GLS2: variants seen among roughly 807,000 people sequenced by gnomAD.
The protein encoded by GLS2 is glutaminase liver isoform, mitochondrial.
GLS2 carries 52 observed loss-of-function variants against 79.0 expected under a neutral mutation model. The ratio of observed to expected loss-of-function variants is 0.66; its 90% CI spans 0.53 to 0.83. GLS2 has a LOEUF of 0.83. Among genes scored for constraint, GLS2 ranks in the 40% least tolerant of loss-of-function variants. The pLI is 0.00. For synonymous variants in GLS2, 238 were observed against 280.8 expected (o/e 0.85, Z 1.52); for missense variants, 561 against 764.8 (o/e 0.73, Z 3.14).
At chr12:56,477,595 T>C in intron 7 of GLS2, 65 bp downstream of exon 7, 1 of 1,492,418 alleles carries the variant, frequency 6.7e-7, no homozygotes. Context: ...TGAACAAATA[T>C]GAGGGATACA....
intron 4 of GLS2, chr12:56,478,799 C>T (rs1333410086): frequency 1.3e-5 from 5 of 387,670 alleles, no homozygotes; most frequent in Admixed American, 4.2e-5. Flanking sequence ...TCGAGACCAG[C>T]CTGGCCAATA....
In GLS2 at chr12:56,477,879, G is replaced by A. The variant is rs1052808669; in HGVS notation, c.778+54C>T. ...CAAAAAAGGCTGGGAGATGGGGTGG[G>A]GATAAGGAGAAGGGGACAGCTGTAA... is the stretch of plus-strand genomic sequence containing the variant. On this transcript the variant is annotated intron_variant, in intron 6 of 17. Coordinates refer to ENST00000311966, the MANE Select transcript of GLS2 (RefSeq NM_013267.4). The A allele has an allele frequency of 7.0e-6, 11 of 1,579,744 alleles. No homozygotes were observed. In the East Asian group the frequency reaches 1.6e-4, roughly 23 times the overall value.
At chr12:56,483,060 T>C (rs1396421596) in intron 1 of GLS2, among the ~76,000 whole-genome samples, 1 of 151,862 alleles carries the variant, frequency 6.6e-6, no homozygotes, top group South Asian at 2.1e-4. Context: ...CACATTGTTG[T>C]TTTTTCTTTT....
At chr12:56,472,266 G>A in intron 15 of GLS2, 71 bp from the exon 16 acceptor site, 1 of 1,364,398 alleles carries the variant, frequency 7.3e-7, no homozygotes. Flanking sequence ...TTGTGAACTG[G>A]TGTCAGACTG....
At chr12:56,472,422 G>A (rs1234403551) in intron 15 of GLS2, 1 of 605,730 alleles carries the variant, frequency 1.7e-6, no homozygotes. Context: ...CTGCCTACCT[G>A]TGGTAAGTGC....
chr12:56,486,301 G>GGT (rs1478002666), intron 1 of GLS2, among the ~76,000 whole-genome samples: 1 of 152,076 alleles, frequency 6.6e-6, no homozygotes, highest in South Asian at 2.1e-4. Flanking sequence ...TGGATAAGGA[G>GGT]GTGTGTGTGT....
Position 56,471,449 on chromosome 12 carries a change from A to G in GLS2, c.*38T>C. The G allele has an allele frequency of 6.3e-7, 1 of 1,580,486 alleles. No homozygotes were observed. Among genetic ancestry groups the G allele is most frequent in the Non-Finnish European group, 8.6e-7 (1 of 1,163,606 alleles). On this transcript the variant is annotated 3_prime_UTR_variant, in exon 18 of 18. Transcript: ENST00000311966. ...TATGGATTACATGTGTGGCCAGCTC[A>G]TGCTTTTTCTTGAGCAGGGGCTGTC... is the stretch of plus-strand genomic sequence containing the variant.
intron 1 of GLS2, among the ~76,000 whole-genome samples, chr12:56,485,372 T>G (rs2136196780): frequency 6.6e-6 from 1 of 151,976 alleles, no homozygotes; most frequent in East Asian, 1.9e-4. Flanking sequence ...TCCTCCCACA[T>G]CAATCTCCCA....
chr12:56,473,136 G>C lies in GLS2; in HGVS notation c.1449+92C>G, dbSNP rs753677263. 24 of 1,149,724 alleles carry C rather than the reference G, an allele frequency of 2.1e-5. No homozygotes were observed. The South Asian group carries it at 3.2e-4, about 15-fold the overall frequency. The allele number at this position is 1,149,724 out of a possible 1,614,324, so 71.2% of individuals were successfully genotyped here. A position where few individuals can be genotyped will look rare whatever the true frequency, so the allele number is the denominator to read the frequency against. On this transcript the variant is annotated intron_variant, in intron 14 of 17. Coordinates refer to ENST00000311966, the MANE Select transcript of GLS2 (RefSeq NM_013267.4). ...GATCTCCTGACCTTGTGATCCGCCC[G>C]CCTTGGCCTCTCAAAGTGCAGGGAT... is the stretch of plus-strand genomic sequence containing the variant.
intron 1 of GLS2, chr12:56,487,596 G>T: frequency 2.6e-6 from 1 of 387,156 alleles, no homozygotes; most frequent in Non-Finnish European, 4.7e-6. Context: ...TACACACGAG[G>T]ACTAGGGAAG....
chr12:56,478,019 C>T lies in GLS2; in HGVS notation c.692G>A (p.Ser231Asn). ...GTGCACGTAGTCAGTGCCTAGGGTG[C>T]TTATGGAGATGGCATAGGTGAGGGG... ...VKPLTYAISISTLGTDYVHKF... is the reference protein window; with the variant it reads ...VKPLTYAISINTLGTDYVHKF... Residue 231 changes from serine (S) to asparagine (N), a missense_variant, in exon 6 of 18, where the codon AGC becomes AAC. By Grantham distance (46) the Ser-to-Asn change is conservative (BLOSUM62 1). Coordinates refer to ENST00000311966, the MANE Select transcript of GLS2 (RefSeq NM_013267.4). The T allele has an allele frequency of 6.2e-7, 1 of 1,614,184 alleles. No individual in the cohort carries two copies. The highest frequency in any genetic ancestry group is 8.5e-7 in the Non-Finnish European group (1 of 1,180,040).
chr12:56,475,852 CT>C (rs999067170), intron 8 of GLS2, 92 bp downstream of exon 8: 4 of 1,454,116 alleles, frequency 2.8e-6, no homozygotes, highest in African/African-American at 1.4e-5. Flanking sequence ...GCTGGTGCAC[CT>C]GGTAGTGGGG....
intron 1 of GLS2, 113 bp from the exon 2 acceptor site, chr12:56,480,500 C>A (rs769615564): frequency 1.3e-6 from 1 of 758,118 alleles, no homozygotes; most frequent in African/African-American, 1.7e-5. Flanking sequence ...ATGCCTCCTC[C>A]TTAAGCCATC....
chr12:56,472,885 CTTTTTTTT>C, intron 14 of GLS2, 134 bp from the exon 15 acceptor site: 6 of 399,730 alleles, frequency 1.5e-5, no homozygotes, highest in East Asian at 5.0e-5. Context: ...CTGAAATATT[CTTTTTTTT>C]TTTTTTTTTT....
intron 7 of GLS2, chr12:56,476,318 T>C (rs964831005): frequency 1.0e-5 from 3 of 297,994 alleles, no homozygotes; most frequent in African/African-American, 6.7e-5. Flanking sequence ...TGAGCCAGCT[T>C]GCTGGGCCAT....
intron 1 of GLS2, among the ~76,000 whole-genome samples, chr12:56,485,562 G>A (rs908888436): frequency 3.3e-5 from 5 of 151,992 alleles, no homozygotes; most frequent in Non-Finnish European, 7.4e-5. Context: ...ACTGCACCTG[G>A]CTCTAAATTT....
chr12:56,473,082 G>C (rs1869453662), intron 14 of GLS2, 146 bp downstream of exon 14: 1 of 726,848 alleles, frequency 1.4e-6, no homozygotes, highest in South Asian at 1.8e-5. Context: ...ATAGAGACCA[G>C]GTTTCACCGT....
chr12:56,471,308 C>CT lies in GLS2; in HGVS notation c.*178dup. The CT allele has an allele frequency of 1.6e-6, 1 of 638,930 alleles. No homozygotes were observed. Among genetic ancestry groups the CT allele is most frequent in the East Asian group, 2.8e-5 (1 of 36,148 alleles). 39.6% of individuals were successfully genotyped at this position (638,930 alleles called of 1,614,324 possible). ...GTCCTCTGAGGCCCTTCTCTGTACT[C>CT]TGTCTGCTGAGGGAATGGGGTATTT... On this transcript the variant is annotated 3_prime_UTR_variant, in exon 18 of 18. Coordinates refer to ENST00000311966, the MANE Select transcript of GLS2 (RefSeq NM_013267.4).
At chr12:56,474,936 T>C (rs377034391) in intron 10 of GLS2, 40 bp from the exon 11 acceptor site, 1 of 1,613,992 alleles carries the variant, frequency 6.2e-7, no homozygotes, top group Non-Finnish European at 8.5e-7. Context: ...CTTCAGGACA[T>C]CAGCCCTTTC....
Sources: gnomAD v4.1 joint callset for allele counts (sites outside exome capture counted in the v4.1 genomes callset) on GRCh38, gnomAD v4.1.1 for gene constraint, MANE v1.5 for transcripts, NCBI Gene and HGNC (gene_info 2026-07-23, HGNC 2026-07-21) for gene names.